The following PRDM9 variants were observed in gnomAD, a reference collection of about 807,000 sequenced individuals.
The protein encoded by PRDM9 is PR/SET domain 9, also known as histone-lysine N-methyltransferase PRDM9.
A neutral mutation model predicts 55.6 loss-of-function variants in PRDM9; 47 were observed. The ratio of observed to expected loss-of-function variants is 0.85; its 90% CI spans 0.67 to 1.08. PRDM9 has a LOEUF of 1.08. PRDM9 is among the 50% of genes least tolerant of loss of function. The pLI is 0.00. For missense variants in PRDM9, 867 were observed against 1,040.3 expected, an observed-to-expected ratio of 0.83 and a Z score of 2.29; for synonymous variants, 312 against 375.7, an observed-to-expected ratio of 0.83 and a Z score of 1.96.
chr5:23,516,190 C>T (rs1690786810), intron 4 of PRDM9, among the ~76,000 whole-genome samples: 1 of 152,054 alleles, frequency 6.6e-6, no homozygotes. Context: ...TCTGTCGGCA[C>T]CGTTTTGTAG....
At chr5:23,516,503 G>C (rs76576173) in intron 4 of PRDM9, among the ~76,000 whole-genome samples, 1 of 151,238 alleles carries the variant, frequency 6.6e-6, no homozygotes, top group African/African-American at 2.4e-5. Context: ...CTCTCGAGTA[G>C]CTGGGACTAC....
In PRDM9 at chr5:23,526,631, G is replaced by T. The variant is rs370688306; in HGVS notation, c.1543G>T (p.Gly515Trp). The T allele has an allele frequency of 5.0e-6, 8 of 1,614,122 alleles. No individual in the cohort carries two copies. In the African/African-American group the frequency reaches 6.7e-5, roughly 13 times the overall value. Residue 515 changes from glycine to tryptophan, a missense_variant, in exon 11 of 11, where the codon GGG (glycine) becomes TGG (tryptophan). This residue lies in a region of PRDM9 where 662 missense variants were observed against 711.9 expected (regional missense o/e 0.93). Coordinates refer to ENST00000296682, the MANE Select transcript of PRDM9 (RefSeq NM_020227.4). ...NPGNTGKLFV[G>W]VGISRIAKVK... ...AGGGAACACAGGCAAATTATTTGTG[G>T]GGGTAGGAATCTCAAGAATTGCAAA...
In PRDM9 at chr5:23,510,418, G is replaced by T. The variant is rs1318517111; in HGVS notation, c.301+391G>T. On this transcript the variant is annotated intron_variant, in intron 4 of 10. Transcript: ENST00000296682. ...CTCCCTCTGTCATCCAGGCTGGATG[G>T]TGCAATCTTGGCTCACTGCAGCCTC... 2.0e-5 allele frequency among the ~76,000 whole-genome samples: 3 copies of T among 151,926 alleles called. No homozygotes were observed. In the East Asian group the frequency reaches 5.8e-4, roughly 30 times the overall value.
At chr5:23,520,062 AAG>A (rs1554002182) in intron 5 of PRDM9, among the ~76,000 whole-genome samples, 1 of 146,366 alleles carries the variant, frequency 6.8e-6, no homozygotes, top group Non-Finnish European at 1.5e-5. Context: ...AAAAAAAAAA[AAG>A]AATTAGCATG....
In PRDM9 at chr5:23,527,776, C is replaced by A; in HGVS notation, c.*3C>A. 1 of 1,614,086 alleles carries A rather than the reference C, an allele frequency of 6.2e-7. No homozygotes were observed. The highest frequency in any genetic ancestry group is 1.7e-5 in the Admixed American group (1 of 60,018). ...ACGTCTGCAGGGAGGATGAGTAAGTCATTAGTAATAAAACCTCATCTCAAT... is the reference window on the plus strand; with the variant it reads ...ACGTCTGCAGGGAGGATGAGTAAGTAATTAGTAATAAAACCTCATCTCAAT... On this transcript the variant is annotated 3_prime_UTR_variant, in exon 11 of 11. Coordinates refer to ENST00000296682, the MANE Select transcript of PRDM9 (RefSeq NM_020227.4).
chr5:23,519,098 C>T (rs149604158), intron 5 of PRDM9, among the ~76,000 whole-genome samples: 2,348 of 152,224 alleles, frequency 0.015, 42 homozygotes, highest in Non-Finnish European at 0.022. Context: ...CTGGCTCTTT[C>T]GCCCAGGCTG....
chr5:23,523,650 G>A (rs1355098416), intron 9 of PRDM9, among the ~76,000 whole-genome samples: 1 of 152,176 alleles, frequency 6.6e-6, no homozygotes, highest in Non-Finnish European at 1.5e-5. Flanking sequence ...TTTAATTTAT[G>A]TAATCCACGT....
chr5:23,522,769 G>T lies in PRDM9; in HGVS notation c.766G>T (p.Ala256Ser), dbSNP rs1739357970. The change falls in exon 8 of 11, where the codon GCT (alanine) becomes TCT (serine). Residue 256 changes from alanine (A) to serine (S), a missense_variant. This residue lies in a region of PRDM9 where 662 missense variants were observed against 711.9 expected (regional missense o/e 0.93). Transcript: ENST00000296682. The part of the protein sequence containing the change: ...LRIGPSGIPQ[A>S]GLGVWNEASD... ...AATTGGGCCATCAGGCATCCCTCAG[G>T]CTGGGCTTGGAGTATGGAATGAGGC... 1.9e-6 allele frequency: 3 copies of T among 1,614,202 alleles called. No individual in the cohort carries two copies. Among genetic ancestry groups the T allele is most frequent in the Non-Finnish European group, 2.5e-6 (3 of 1,180,040 alleles).
intron 9 of PRDM9, 30 bp downstream of exon 9, chr5:23,523,388 G>A (rs1739373316): frequency 1.3e-6 from 2 of 1,587,136 alleles, no homozygotes; most frequent in African/African-American, 1.3e-5. Flanking sequence ...GAGTTGCAGA[G>A]AGAACCTTCA....
intron 4 of PRDM9, among the ~76,000 whole-genome samples, chr5:23,517,123 A>G (rs1739227999): frequency 6.9e-6 from 1 of 145,724 alleles, no homozygotes; most frequent in African/African-American, 2.5e-5. Flanking sequence ...ACTGCACTCC[A>G]GCCTGGGCGA....
intron 5 of PRDM9, among the ~76,000 whole-genome samples, chr5:23,518,632 T>C (rs1739267300): frequency 6.6e-6 from 1 of 152,200 alleles, no homozygotes; most frequent in South Asian, 2.1e-4. Flanking sequence ...CTTTGAAGAC[T>C]GAGAAACAAC....
chr5:23,525,431 G>A lies in PRDM9; in HGVS notation c.1145-802G>A, dbSNP rs576425384. On this transcript the variant is annotated intron_variant, in intron 10 of 10. Transcript: ENST00000296682. ...ATTGTATTTGAAATGGGCTCAGACT[G>A]AATGAAATATCTCAAAAATGAATAC... Among the ~76,000 whole-genome samples the A allele has an allele frequency of 7.2e-5, 11 of 152,298 alleles. No homozygotes were observed. In the East Asian group the frequency reaches 1.9e-3, roughly 27 times the overall value.
At chr5:23,509,753 C>G (rs1739053309) in intron 3 of PRDM9, among the ~76,000 whole-genome samples, 160 bp downstream of exon 3, 2 of 152,122 alleles carry the variant, frequency 1.3e-5, no homozygotes, top group African/African-American at 4.8e-5. Flanking sequence ...CAGTGCAGGG[C>G]TGAGTGTGGA....
At chr5:23,523,788 C>A (rs1418270308) in intron 9 of PRDM9, among the ~76,000 whole-genome samples, 3 of 152,094 alleles carry the variant, frequency 2.0e-5, no homozygotes, top group Non-Finnish European at 2.9e-5. Context: ...AAAAATGAAT[C>A]AACTATTACT....
chr5:23,520,991 T>C (rs1177124596), intron 5 of PRDM9, 32 bp from the exon 6 acceptor site: 1 of 1,611,936 alleles, frequency 6.2e-7, no homozygotes, highest in Non-Finnish European at 8.5e-7. Flanking sequence ...GAAATTCGTG[T>C]TGTCTTTTAA....
At chr5:23,516,136 A>G (rs923766703) in intron 4 of PRDM9, among the ~76,000 whole-genome samples, 4 of 152,206 alleles carry the variant, frequency 2.6e-5, no homozygotes, top group African/African-American at 9.7e-5. Context: ...CTTCAAATCC[A>G]TGAACACAGG....
chr5:23,509,146 ATC>A, intron 2 of PRDM9, 44 bp downstream of exon 2: 1 of 1,608,460 alleles, frequency 6.2e-7, no homozygotes, highest in Non-Finnish European at 8.5e-7. Context: ...GCAGGAGCTG[ATC>A]TCTGGAGTGC....
intron 1 of PRDM9, 137 bp from the exon 2 acceptor site, chr5:23,508,812 TC>T (rs1191923225): frequency 1.2e-5 from 7 of 573,020 alleles, no homozygotes; most frequent in Admixed American, 3.0e-5. Flanking sequence ...TACCCTCAAA[TC>T]TCCCTGGGGT....
At chr5:23,526,185 T>C (rs372678429) in intron 10 of PRDM9, 48 bp from the exon 11 acceptor site, 9 of 1,550,990 alleles carry the variant, frequency 5.8e-6, no homozygotes, top group Non-Finnish European at 8.0e-6. Flanking sequence ...TCATATGTGG[T>C]AAGGCCTGAA....
Sources: gnomAD v4.1 joint callset for allele counts (sites outside exome capture counted in the v4.1 genomes callset) on GRCh38, gnomAD v4.1.1 for gene constraint, gnomAD v4.1.1 regional missense constraint, MANE v1.5 for transcripts, NCBI Gene and HGNC (gene_info 2026-07-23, HGNC 2026-07-21) for gene names.